The following PTPRO variants were observed in gnomAD, a reference collection of about 807,000 sequenced individuals.
PTPRO encodes the protein receptor-type tyrosine-protein phosphatase O.
In PTPRO, 62 loss-of-function variants were observed where a neutral mutation model predicts 145.2. The ratio of observed to expected loss-of-function variants is 0.43; its 90% CI spans 0.35 to 0.53. The LOEUF (loss-of-function observed/expected upper bound fraction) is 0.53, where lower values mean the gene tolerates loss of function less well. PTPRO is among the 20% of genes least tolerant of loss of function. PTPRO has a pLI of 0.01. For synonymous variants in PTPRO, 565 were observed against 514.7 expected (o/e 1.10, Z -1.32); for missense variants, 1,345 against 1,482.7 (o/e 0.91, Z 1.53).
intron 12 of PTPRO, among the ~76,000 whole-genome samples, chr12:15,527,875 A>ACCCGCCCCCCCCCCCCCCCCCCACCCC (rs1942874990): frequency 7.3e-6 from 1 of 137,648 alleles, no homozygotes; most frequent in African/African-American, 2.8e-5. Context: ...GGGAACTGTG[A>ACCCGCCCCCCCCCCCCCCCCCCACCCC]CCCGCCCACG....
intron 1 of PTPRO, among the ~76,000 whole-genome samples, chr12:15,416,485 A>C (rs1182750518): frequency 6.6e-6 from 1 of 151,128 alleles, no homozygotes; most frequent in African/African-American, 2.5e-5. Flanking sequence ...ATGCCTGGCT[A>C]ATTTTTTATA....
chr12:15,373,577 A>G (rs1339338029), intron 1 of PTPRO, among the ~76,000 whole-genome samples: 1 of 152,182 alleles, frequency 6.6e-6, no homozygotes, highest in Non-Finnish European at 1.5e-5. Flanking sequence ...TTATGGACGG[A>G]AGTGTTTAAC....
At chr12:15,436,631 C>T (rs532958226) in intron 1 of PTPRO, among the ~76,000 whole-genome samples, 13 of 152,250 alleles carry the variant, frequency 8.5e-5, no homozygotes, top group Admixed American at 7.2e-4. Flanking sequence ...GGAAAGACAC[C>T]AGGAAAAGTG....
intron 1 of PTPRO, among the ~76,000 whole-genome samples, chr12:15,358,763 G>A (rs1383296963): frequency 1.3e-5 from 2 of 152,216 alleles, no homozygotes; most frequent in African/African-American, 4.8e-5. Context: ...TGTAACAGAT[G>A]TTGCTGATAA....
intron 13 of PTPRO, among the ~76,000 whole-genome samples, chr12:15,547,078 A>ACAC (rs756687784): frequency 1.3e-5 from 2 of 152,232 alleles, no homozygotes; most frequent in Non-Finnish European, 2.9e-5. Flanking sequence ...TGATAGAATC[A>ACAC]ATATTTGCCT....
At chr12:15,472,652 C>T (rs1018766236) in intron 1 of PTPRO, among the ~76,000 whole-genome samples, 2 of 152,134 alleles carry the variant, frequency 1.3e-5, no homozygotes, top group Admixed American at 6.5e-5. Flanking sequence ...TCTACATGTC[C>T]GTGGCACTGA....
At chr12:15,436,670 A>C (rs1204214564) in intron 1 of PTPRO, among the ~76,000 whole-genome samples, 1 of 152,220 alleles carries the variant, frequency 6.6e-6, no homozygotes, top group Non-Finnish European at 1.5e-5. Context: ...CCTGGATGAG[A>C]GTAGGATGCC....
At chr12:15,593,204 C>T (rs941529202) in intron 25 of PTPRO, among the ~76,000 whole-genome samples, 13 of 152,184 alleles carry the variant, frequency 8.5e-5, no homozygotes, top group Non-Finnish European at 2.9e-5. Context: ...TTTCTCCAAA[C>T]CGTGTTGAAA....
At chr12:15,354,355 G>A (rs1313691278) in intron 1 of PTPRO, among the ~76,000 whole-genome samples, 1 of 152,088 alleles carries the variant, frequency 6.6e-6, no homozygotes, top group Non-Finnish European at 1.5e-5. Context: ...CTTAATTTTA[G>A]CAGAATTCAT....
chr12:15,575,867 A>C (rs550726679), intron 19 of PTPRO, among the ~76,000 whole-genome samples: 2 of 152,262 alleles, frequency 1.3e-5, no homozygotes, highest in South Asian at 4.1e-4. Context: ...CATAACTCTG[A>C]TCTGTCTCCA....
intron 1 of PTPRO, among the ~76,000 whole-genome samples, chr12:15,359,938 T>C (rs991168929): frequency 2.6e-5 from 4 of 152,330 alleles, no homozygotes; most frequent in African/African-American, 9.6e-5. Flanking sequence ...GTTCCTAAAA[T>C]TCCCCAAGCA....
intron 7 of PTPRO, among the ~76,000 whole-genome samples, chr12:15,512,534 G>C (rs932955584): frequency 1.3e-5 from 2 of 152,208 alleles, no homozygotes; most frequent in African/African-American, 4.8e-5. Context: ...GGGAGGAGGA[G>C]AACAAACAAA....
chr12:15,449,809 G>A (rs1223183652), intron 1 of PTPRO, among the ~76,000 whole-genome samples: 2 of 152,054 alleles, frequency 1.3e-5, no homozygotes, highest in Admixed American at 6.6e-5. Flanking sequence ...GAATGTACAG[G>A]AACTCTCTGT....
intron 1 of PTPRO, among the ~76,000 whole-genome samples, chr12:15,407,141 C>T (rs1441629042): frequency 2.0e-5 from 3 of 152,140 alleles, no homozygotes; most frequent in African/African-American, 7.2e-5. Context: ...GGCTCTGGAC[C>T]CCTCGTTGTT....
intron 1 of PTPRO, among the ~76,000 whole-genome samples, chr12:15,404,472 A>G (rs962705449): frequency 4.6e-5 from 7 of 151,998 alleles, no homozygotes; most frequent in Non-Finnish European, 8.8e-5. Context: ...TTTTTTATTT[A>G]TTTGTGTTAT....
chr12:15,579,618 G>A (rs951641598), intron 20 of PTPRO, among the ~76,000 whole-genome samples: 1 of 152,112 alleles, frequency 6.6e-6, no homozygotes, highest in Non-Finnish European at 1.5e-5. Context: ...TTAATTTAAT[G>A]TCCACCTACA....
chr12:15,559,204 G>A (rs775295487), intron 16 of PTPRO, among the ~76,000 whole-genome samples: 11 of 152,178 alleles, frequency 7.2e-5, no homozygotes, highest in Non-Finnish European at 1.0e-4. Context: ...ACCAGTCATG[G>A]GAGAGCTGAA....
At chr12:15,368,694 C>A (rs537950122) in intron 1 of PTPRO, among the ~76,000 whole-genome samples, 98 of 152,320 alleles carry the variant, frequency 6.4e-4, no homozygotes, top group South Asian at 5.6e-3. Context: ...TTTCTCCAAA[C>A]TGTTTATTCT....
At chr12:15,517,009 T>A (rs1391525334) in intron 9 of PTPRO, 53 bp downstream of exon 9, 1 of 1,449,094 alleles carries the variant, frequency 6.9e-7, no homozygotes, top group Non-Finnish European at 9.7e-7. Flanking sequence ...AGGCAAACCT[T>A]TATGTACCAA....
Sources: allele counts gnomAD v4.1 joint callset (sites outside exome capture counted in the v4.1 genomes callset), GRCh38; gene constraint gnomAD v4.1.1; transcripts MANE v1.5; gene names NCBI Gene and HGNC (gene_info 2026-07-23, HGNC 2026-07-21).